Variants in ME1 observed in about 807,000 individuals in gnomAD.
ME1 encodes malic enzyme 1, also known as NADP-dependent malic enzyme.
In ME1, 74 loss-of-function variants were observed where a neutral mutation model predicts 66.4. The ratio of observed to expected loss-of-function variants is 1.11; its 90% CI spans 0.92 to 1.35. The LOEUF is 1.35. ME1 is among the 40% of genes most tolerant of loss of function. The probability of loss-of-function intolerance (pLI) is 0.00; values close to 1 mark genes in which losing one functional copy is unlikely to be tolerated. For synonymous variants in ME1, 251 were observed against 235.6 expected (o/e 1.07, Z -0.60); for missense variants, 750 against 694.1 (o/e 1.08, Z -0.90).
At chr6:83,374,101 C>A (rs1180725881) in intron 3 of ME1, among the ~76,000 whole-genome samples, 1 of 152,036 alleles carries the variant, frequency 6.6e-6, no homozygotes, top group Non-Finnish European at 1.5e-5. Flanking sequence ...ATTTATATTC[C>A]TTTAGGTATA....
rs1436798716 is a variant in ME1, at chr6:83,283,248, AT to A, written c.705-29511del. ...GTCTCAAAAAAAAAAAAAAAAAAAA[AT>A]GATGAGTTCATGTCCTTTGCAGGGG... On this transcript the variant is annotated intron_variant, in intron 6 of 13. Transcript: ENST00000369705. Among the ~76,000 whole-genome samples the A allele has an allele frequency of 4.8e-3, 670 of 139,660 alleles. 42 individuals are homozygous for A. Among genetic ancestry groups the A allele is most frequent in the African/African-American group, 0.018 (634 of 35,102 alleles). The allele number at this position is 139,660 out of a possible 152,430, so 91.6% of individuals were successfully genotyped here. A position where few individuals can be genotyped will look rare whatever the true frequency, so the allele number is the denominator to read the frequency against.
chr6:83,283,447 G>A (rs182733006), intron 6 of ME1, among the ~76,000 whole-genome samples: 1 of 151,814 alleles, frequency 6.6e-6, no homozygotes, highest in Admixed American at 6.6e-5. Flanking sequence ...GAGAGGGAGA[G>A]CATTAGGACA....
At chr6:83,377,158 A>G (rs955411953) in intron 3 of ME1, among the ~76,000 whole-genome samples, 6 of 152,238 alleles carry the variant, frequency 3.9e-5, no homozygotes, top group Non-Finnish European at 7.3e-5. Flanking sequence ...AAATCTTGGT[A>G]AAGACTTTTG....
At chr6:83,242,261 A>G (rs189634055) in intron 7 of ME1, among the ~76,000 whole-genome samples, 27 of 152,328 alleles carry the variant, frequency 1.8e-4, no homozygotes, top group African/African-American at 6.3e-4. Flanking sequence ...ACTTTAACAT[A>G]AACATAAACA....
At chr6:83,224,968 G>A (rs1268822401) in intron 11 of ME1, among the ~76,000 whole-genome samples, 3 of 151,606 alleles carry the variant, frequency 2.0e-5, no homozygotes, top group East Asian at 1.9e-4. Context: ...TTGGGAGGTC[G>A]AGGAGGGTGG....
At chr6:83,414,127 A>C (rs1770110422) in intron 1 of ME1, among the ~76,000 whole-genome samples, 1 of 149,698 alleles carries the variant, frequency 6.7e-6, no homozygotes, top group Admixed American at 7.2e-5. Flanking sequence ...AAAAAAAAAA[A>C]AAAACTAAAA....
At chr6:83,307,830 T>C (rs549929285) in intron 6 of ME1, among the ~76,000 whole-genome samples, 1 of 152,274 alleles carries the variant, frequency 6.6e-6, no homozygotes, top group African/African-American at 2.4e-5. Flanking sequence ...GAAGAGCACA[T>C]ATTAATTTAC....
chr6:83,308,780 T>A (rs947733710), intron 6 of ME1, among the ~76,000 whole-genome samples: 1 of 151,596 alleles, frequency 6.6e-6, no homozygotes, highest in Non-Finnish European at 1.5e-5. Flanking sequence ...AGACAGAACA[T>A]AAATAATTAA....
At chr6:83,371,394 G>A (rs1169334611) in intron 3 of ME1, among the ~76,000 whole-genome samples, 2 of 152,106 alleles carry the variant, frequency 1.3e-5, no homozygotes, top group African/African-American at 4.8e-5. Context: ...CAATCAATCA[G>A]TCTCATTTCC....
At chr6:83,327,201 T>G (rs1412688990) in intron 5 of ME1, among the ~76,000 whole-genome samples, 2 of 152,150 alleles carry the variant, frequency 1.3e-5, no homozygotes, top group African/African-American at 2.4e-5. Flanking sequence ...TTGCGTTAAC[T>G]GCACAAATTG....
At chr6:83,278,933 A>C (rs1350981915) in intron 6 of ME1, among the ~76,000 whole-genome samples, 2 of 152,164 alleles carry the variant, frequency 1.3e-5, no homozygotes, top group Non-Finnish European at 2.9e-5. Flanking sequence ...GAGGAAAGAA[A>C]ATACTCAAAA....
At chr6:83,227,579 T>C (rs1790222667) in intron 10 of ME1, 102 bp from the exon 11 acceptor site, 23 of 1,023,380 alleles carry the variant, frequency 2.2e-5, no homozygotes, top group Non-Finnish European at 3.0e-5. Flanking sequence ...CATTTTCTAA[T>C]AGACCCTAAA....
intron 5 of ME1, among the ~76,000 whole-genome samples, chr6:83,323,822 T>G (rs1583380886): frequency 6.6e-6 from 1 of 152,056 alleles, no homozygotes; most frequent in South Asian, 2.1e-4. Flanking sequence ...GAACTCAGCT[T>G]TGGACCAAGC....
At chr6:83,405,801 A>G (rs1769931278) in intron 2 of ME1, among the ~76,000 whole-genome samples, 1 of 144,912 alleles carries the variant, frequency 6.9e-6, no homozygotes, top group African/African-American at 2.6e-5. Flanking sequence ...GGCTCACTGC[A>G]AGCTCCGCCT....
chr6:83,330,912 T>C (rs1480700754), intron 5 of ME1, among the ~76,000 whole-genome samples: 1 of 152,178 alleles, frequency 6.6e-6, no homozygotes, highest in Non-Finnish European at 1.5e-5. Flanking sequence ...GAGAATTTTC[T>C]TCTCTCCCCT....
chr6:83,354,229 C>T (rs899681500), intron 3 of ME1, among the ~76,000 whole-genome samples: 24 of 152,112 alleles, frequency 1.6e-4, no homozygotes, highest in African/African-American at 2.9e-4. Context: ...TGGGTTCAAG[C>T]GATTCTCCTG....
Position 83,234,454 on chromosome 6 carries a change from C to T in ME1, c.1026+3263G>A, listed in dbSNP as rs188565435. Among the ~76,000 whole-genome samples, 57 of 152,224 alleles carry T rather than the reference C, an allele frequency of 3.7e-4. 1 individual carries two copies. In the East Asian group the frequency reaches 8.5e-3, roughly 23 times the overall value. On this transcript the variant is annotated intron_variant, in intron 9 of 13. Coordinates refer to ENST00000369705, the MANE Select transcript of ME1 (RefSeq NM_002395.6). ...CACCTTAAACTTTCTATGTGTGAAA[C>T]TGATCCTGTTACTTCCCTTAAATTG...
intron 6 of ME1, among the ~76,000 whole-genome samples, chr6:83,268,018 G>A (rs530466570): frequency 6.6e-6 from 1 of 151,964 alleles, no homozygotes; most frequent in Non-Finnish European, 1.5e-5. Context: ...CTGAAAAAAG[G>A]TGGCATGCTC....
intron 3 of ME1, among the ~76,000 whole-genome samples, chr6:83,382,510 T>C (rs938522938): frequency 5.9e-5 from 9 of 152,138 alleles, no homozygotes; most frequent in African/African-American, 1.9e-4. Context: ...CAGTCAGTAT[T>C]AGGAACTTTT....
Sources: gnomAD v4.1 joint callset for allele counts (sites outside exome capture counted in the v4.1 genomes callset) on GRCh38, gnomAD v4.1.1 for gene constraint, MANE v1.5 for transcripts, NCBI Gene and HGNC (gene_info 2026-07-23, HGNC 2026-07-21) for gene names.